The following WT1 variants were observed in gnomAD, a reference collection of about 807,000 sequenced individuals.
WT1 encodes WT1 transcription factor, also known as Wilms tumor protein.
Under a neutral mutation model 60.8 loss-of-function variants are expected in WT1, and 8 were observed. The observed-to-expected ratio is 0.13, with a 90% CI of 0.08 to 0.24. The LOEUF (loss-of-function observed/expected upper bound fraction) is 0.24, where lower values mean the gene tolerates loss of function less well. WT1 is among the 10% of genes least tolerant of loss of function. WT1 has a pLI of 1.00. For synonymous variants in WT1, 312 were observed against 297.1 expected, an observed-to-expected ratio of 1.05 and a Z score of -0.52; for missense variants, 568 against 711.8, an observed-to-expected ratio of 0.80 and a Z score of 2.30.
chr11:32,412,047 C>T (rs1852517659), intron 5 of WT1, among the ~76,000 whole-genome samples: 1 of 152,172 alleles, frequency 6.6e-6, no homozygotes, highest in Non-Finnish European at 1.5e-5. Flanking sequence ...CACTTAAAAG[C>T]AAGCTATCTA....
chr11:32,398,095 T>C (rs886213202), intron 6 of WT1, among the ~76,000 whole-genome samples: 5 of 152,356 alleles, frequency 3.3e-5, no homozygotes, highest in Non-Finnish European at 5.9e-5. Flanking sequence ...GATGTCTCCC[T>C]AAACCGTCGT....
chr11:32,412,488 T>C (rs1248036049), intron 5 of WT1, among the ~76,000 whole-genome samples: 1 of 152,068 alleles, frequency 6.6e-6, no homozygotes, highest in Non-Finnish European at 1.5e-5. Context: ...ACAGTCAAGG[T>C]TGATGTGTTT....
intron 5 of WT1, among the ~76,000 whole-genome samples, chr11:32,403,243 G>A (rs1852209012): frequency 6.6e-6 from 1 of 152,120 alleles, no homozygotes; most frequent in Admixed American, 6.5e-5. Context: ...GTGGAAACCT[G>A]CAATTCAACA....
chr11:32,404,268 C>CAAA (rs61611336), intron 5 of WT1, among the ~76,000 whole-genome samples: 30 of 89,246 alleles, frequency 3.4e-4, no homozygotes, highest in African/African-American at 9.0e-4. Flanking sequence ...GACTCTGTCT[C>CAAA]AAAAAAAAAA....
chr11:32,395,016 C>T lies in WT1; in HGVS notation c.1264+1241G>A, dbSNP rs1019634237. Among the ~76,000 whole-genome samples, 8 of 152,358 alleles carry T rather than the reference C, an allele frequency of 5.3e-5. No individual in the cohort carries two copies. In the East Asian group the frequency reaches 1.5e-3, roughly 29 times the overall value. Reference sequence around the variant, plus strand: ...GGGAAATGTGTAAAAACATAACATGCCACTGGTCCCCTCCTTTTTAGCCTC... The same window carrying T: ...GGGAAATGTGTAAAAACATAACATGTCACTGGTCCCCTCCTTTTTAGCCTC... On this transcript the variant is annotated intron_variant, in intron 7 of 9. Transcript: ENST00000452863.
At chr11:32,391,893 C>T in intron 9 of WT1, 79 bp downstream of exon 9, 1 of 1,457,692 alleles carries the variant, frequency 6.9e-7, no homozygotes, top group Non-Finnish European at 9.6e-7. Flanking sequence ...TAGTCTTTTC[C>T]AATCCCTCTC....
chr11:32,395,865 C>G (rs921887075), intron 7 of WT1, among the ~76,000 whole-genome samples: 1 of 152,020 alleles, frequency 6.6e-6, no homozygotes, highest in East Asian at 1.9e-4. Context: ...TTCTTTGGAC[C>G]ATCTCTTCTA....
intron 5 of WT1, chr11:32,400,371 A>C (rs1852119009): frequency 4.7e-6 from 2 of 423,800 alleles, no homozygotes; most frequent in Non-Finnish European, 8.9e-6. Flanking sequence ...TCTAGACGGC[A>C]GGGCTGACAG....
intron 3 of WT1, among the ~76,000 whole-genome samples, chr11:32,424,581 C>T (rs546268534): frequency 1.5e-4 from 23 of 152,286 alleles, no homozygotes; most frequent in South Asian, 1.0e-3. Flanking sequence ...CAAAACTCCA[C>T]CCACCTTGTA....
At chr11:32,399,171 G>A (rs1367438982) in intron 6 of WT1, among the ~76,000 whole-genome samples, 17 of 138,492 alleles carry the variant, frequency 1.2e-4, no homozygotes, top group East Asian at 2.2e-4. Flanking sequence ...AAAAAAAAAA[G>A]AAAAAGAAAA....
chr11:32,403,661 G>A (rs962282768), intron 5 of WT1, among the ~76,000 whole-genome samples: 7 of 140,750 alleles, frequency 5.0e-5, no homozygotes, highest in African/African-American at 1.3e-4. Context: ...TGCAACCCCC[G>A]CCTCCTGGGT....
At chr11:32,431,883 C>G (rs909043418) in intron 1 of WT1, among the ~76,000 whole-genome samples, 4 of 152,008 alleles carry the variant, frequency 2.6e-5, no homozygotes, top group African/African-American at 9.7e-5. Flanking sequence ...GGCCAAGATC[C>G]CTGGAAAAGG....
chr11:32,418,442 T>C (rs1454948574), intron 3 of WT1, among the ~76,000 whole-genome samples: 1 of 152,136 alleles, frequency 6.6e-6, no homozygotes, highest in Non-Finnish European at 1.5e-5. Context: ...CCAAGCTCCA[T>C]CAGGAATAAA....
chr11:32,416,557 G>A lies in WT1; in HGVS notation c.966-17C>T, dbSNP rs1247254852. The A allele has an allele frequency of 6.2e-7, 1 of 1,614,020 alleles. No homozygotes were observed. The highest frequency in any genetic ancestry group is 1.7e-5 in the Admixed American group (1 of 60,006). On this transcript the variant is annotated splice_polypyrimidine_tract_variant and intron_variant, in intron 4 of 9. Transcript: ENST00000452863. ...GCAGCAACTCTAGAAAAGAAGAAGA[G>A]GTGGGGAGTGGGGAATGGAGCATGC...
At chr11:32,401,868 G>A (rs542043033) in intron 5 of WT1, among the ~76,000 whole-genome samples, 1 of 152,212 alleles carries the variant, frequency 6.6e-6, no homozygotes, top group East Asian at 1.9e-4. Context: ...GCCTCCAGGT[G>A]GGATTAAACT....
At position 32,435,082 on chromosome 11, in the gene WT1, G is replaced by T. The variant is rs1590410564; in HGVS notation, c.279C>A (p.Gly93=). The change falls in exon 1 of 10, where the codon GGC becomes GGA. Residue 93 remains glycine (G), a synonymous_variant. Coordinates refer to ENST00000452863, the MANE Select transcript of WT1 (RefSeq NM_024426.6). Reference sequence around the variant, plus strand: ...TCACAGGCAGGGCACAGCCGCCGCCGCCACCCAGGGAGGGGACGGCGGGCA... The same window carrying T: ...TCACAGGCAGGGCACAGCCGCCGCCTCCACCCAGGGAGGGGACGGCGGGCA... 1 of 1,491,632 alleles carries T rather than the reference G, an allele frequency of 6.7e-7. No homozygotes were observed. Among genetic ancestry groups the T allele is most frequent in the South Asian group, 1.3e-5 (1 of 79,052 alleles). The allele number at this position is 1,491,632 out of a possible 1,614,324, so 92.4% of individuals were successfully genotyped here.
At chr11:32,433,912 T>C (rs1181596629) in intron 1 of WT1, among the ~76,000 whole-genome samples, 1 of 152,232 alleles carries the variant, frequency 6.6e-6, no homozygotes, top group Non-Finnish European at 1.5e-5. Context: ...CCAGATGCGC[T>C]GAAAGAAAGG....
chr11:32,426,429 C>T (rs1026597317), intron 3 of WT1, among the ~76,000 whole-genome samples: 1 of 152,186 alleles, frequency 6.6e-6, no homozygotes, highest in African/African-American at 2.4e-5. Context: ...AGGAGATTCA[C>T]CTCAGAGAAT....
At chr11:32,413,061 T>G (rs149617657) in intron 5 of WT1, among the ~76,000 whole-genome samples, 1 of 152,310 alleles carries the variant, frequency 6.6e-6, no homozygotes, top group African/African-American at 2.4e-5. Flanking sequence ...AAACCTATTC[T>G]TTGTGAAGCC....
Sources: allele counts gnomAD v4.1 joint callset (sites outside exome capture counted in the v4.1 genomes callset), GRCh38; gene constraint gnomAD v4.1.1; transcripts MANE v1.5; gene names NCBI Gene and HGNC (gene_info 2026-07-23, HGNC 2026-07-21).